SPATS2: variants seen among roughly 807,000 people sequenced by gnomAD.
SPATS2 encodes the protein spermatogenesis associated serine rich 2.
A neutral mutation model predicts 63.7 loss-of-function variants in SPATS2; 38 were observed. The ratio of observed to expected loss-of-function variants is 0.60; its 90% CI spans 0.46 to 0.78. The LOEUF is 0.78. Among genes scored for constraint, SPATS2 ranks in the 30% least tolerant of loss-of-function variants. The pLI is 0.00. For synonymous variants in SPATS2, 207 were observed against 232.9 expected (o/e 0.89, Z 1.01); for missense variants, 588 against 666.2 (o/e 0.88, Z 1.29).
chr12:49,386,637 G>T (rs1250109199), intron 2 of SPATS2, among the ~76,000 whole-genome samples: 1 of 152,224 alleles, frequency 6.6e-6, no homozygotes, highest in Non-Finnish European at 1.5e-5. Context: ...GTATGCAAGG[G>T]AGTGGTATAA....
intron 7 of SPATS2, among the ~76,000 whole-genome samples, chr12:49,496,113 T>A (rs990052539): frequency 1.3e-5 from 2 of 152,228 alleles, no homozygotes; most frequent in African/African-American, 4.8e-5. Context: ...CTTTTATTGA[T>A]TAGTATACAC....
chr12:49,517,102 TG>T (rs1212347540), intron 10 of SPATS2, among the ~76,000 whole-genome samples: 4 of 152,254 alleles, frequency 2.6e-5, no homozygotes, highest in Non-Finnish European at 4.4e-5. Flanking sequence ...ACCTCATTTT[TG>T]CCATTTTGAG....
rs995939320 is a variant in SPATS2 at position 49,494,918 on chromosome 12, A to G, written c.442A>G (p.Ser148Gly). The G allele has an allele frequency of 6.2e-7, 1 of 1,614,050 alleles. No individual in the cohort carries two copies. The highest frequency in any genetic ancestry group is 8.5e-7 in the Non-Finnish European group (1 of 1,180,012). Residue 148 changes from serine to glycine, a missense_variant, in exon 7 of 14, where the codon AGT (serine) becomes GGT (glycine). Coordinates refer to ENST00000552918, the MANE Select transcript of SPATS2 (RefSeq NM_023071.4). The stretch of plus-strand genomic sequence containing the variant: ...TGACACTGAGTCTGTGGACTCACTC[A>G]GTGAAGGTTTGGAGACACTTTCAAT... ...INDTESVDSLSEGLETLSIDA... is the reference protein window; with the variant it reads ...INDTESVDSLGEGLETLSIDA...
intron 2 of SPATS2, among the ~76,000 whole-genome samples, chr12:49,436,976 A>G (rs968879561): frequency 4.9e-4 from 54 of 110,488 alleles, no homozygotes; most frequent in African/African-American, 1.8e-3. Flanking sequence ...CCCCACCTCC[A>G]TTCCGGACTG....
rs377257029 is a variant in SPATS2, at chr12:49,422,201, A to G, written c.-243-38569A>G. On this transcript the variant is annotated intron_variant, in intron 2 of 13. Coordinates refer to ENST00000552918, the MANE Select transcript of SPATS2 (RefSeq NM_023071.4). ...AGAAAGAAATATAATTTGTAGTTTC[A>G]TGGAGCTAGGTTTGAATCACCACCT... is the stretch of plus-strand genomic sequence containing the variant. Among the ~76,000 whole-genome samples, 4 of 152,142 alleles carry G rather than the reference A, an allele frequency of 2.6e-5. No homozygotes were observed. The South Asian group carries it at 6.2e-4, about 24-fold the overall frequency.
intron 2 of SPATS2, among the ~76,000 whole-genome samples, chr12:49,393,077 T>C (rs1214905897): frequency 1.3e-5 from 2 of 152,160 alleles, no homozygotes; most frequent in Non-Finnish European, 2.9e-5. Context: ...TAGAAACATC[T>C]GTGTACTCAC....
At chr12:49,420,526 G>A (rs1010691832) in intron 2 of SPATS2, among the ~76,000 whole-genome samples, 1 of 152,086 alleles carries the variant, frequency 6.6e-6, no homozygotes, top group Non-Finnish European at 1.5e-5. Flanking sequence ...CCTGGGAGGT[G>A]GAGGTTGCAG....
At chr12:49,451,709 G>C (rs542002615) in intron 2 of SPATS2, among the ~76,000 whole-genome samples, 1 of 152,240 alleles carries the variant, frequency 6.6e-6, no homozygotes, top group Admixed American at 6.5e-5. Context: ...GCTTTTCCTA[G>C]TGCTCTTTCT....
At chr12:49,387,083 A>G (rs937867629) in intron 2 of SPATS2, 2 of 152,092 alleles carry the variant, frequency 1.3e-5, no homozygotes, top group African/African-American at 4.8e-5. Flanking sequence ...ATTTGGAAAC[A>G]TCTGTGAGGA....
At chr12:49,424,044 A>C (rs1945029947) in intron 2 of SPATS2, among the ~76,000 whole-genome samples, 1 of 152,146 alleles carries the variant, frequency 6.6e-6, no homozygotes, top group Non-Finnish European at 1.5e-5. Context: ...TTCTACTAAA[A>C]ATACAAAAAT....
At chr12:49,373,245 A>G (rs1353141575) in intron 2 of SPATS2, among the ~76,000 whole-genome samples, 1 of 152,092 alleles carries the variant, frequency 6.6e-6, no homozygotes, top group African/African-American at 2.4e-5. Context: ...AAGTGCTGGG[A>G]TTACATGCTT....
intron 2 of SPATS2, among the ~76,000 whole-genome samples, chr12:49,427,172 G>GGCTCAA (rs1945094849): frequency 6.6e-6 from 1 of 151,626 alleles, no homozygotes; most frequent in African/African-American, 2.4e-5. Flanking sequence ...CTCATTCCTG[G>GGCTCAA]GCTCAAGCAA....
At position 49,484,687 on chromosome 12, in the gene SPATS2, G is replaced by A; in HGVS notation, c.105+18G>A. On this transcript the variant is annotated intron_variant, in intron 4 of 13. Transcript: ENST00000552918. The stretch of plus-strand genomic sequence containing the variant: ...AAGAGAAGGTAAGACTAGTCACTAT[G>A]GATAGTAAACTTAAATGTCATAGGA... 2 of 1,611,324 alleles carry A rather than the reference G, an allele frequency of 1.2e-6. No homozygotes were observed. Among genetic ancestry groups the A allele is most frequent in the Non-Finnish European group, 1.7e-6 (2 of 1,177,836 alleles).
intron 1 of SPATS2, among the ~76,000 whole-genome samples, chr12:49,370,112 C>T (rs769051975): frequency 2.0e-5 from 3 of 152,284 alleles, no homozygotes; most frequent in Non-Finnish European, 2.9e-5. Flanking sequence ...GTATTCCAGG[C>T]GCTGAACTCA....
Position 49,409,591 on chromosome 12 carries a change from A to ATTTTTTTTTT in SPATS2, c.-244+38301_-244+38302insTTTTTTTTTT, listed in dbSNP as rs1565707922. On this transcript the variant is annotated intron_variant, in intron 2 of 13. Coordinates refer to ENST00000552918, the MANE Select transcript of SPATS2 (RefSeq NM_023071.4). ...ACAGGCGTGAGCCACTGTGCCCAGC[A>ATTTTTTTTTT]ATTTTTTTTTTTTTTTTTTTTTTTT... Among the ~76,000 whole-genome samples, 3 of 123,316 alleles carry ATTTTTTTTTT rather than the reference A, an allele frequency of 2.4e-5. 1 individual carries two copies. 80.9% of individuals were successfully genotyped at this position (123,316 alleles called of 152,430 possible). A position where few individuals can be genotyped will look rare whatever the true frequency, so the allele number is the denominator to read the frequency against.
At chr12:49,367,727 G>C (rs539606784) in intron 1 of SPATS2, 140 bp downstream of exon 1, 15 of 386,666 alleles carry the variant, frequency 3.9e-5, no homozygotes, top group African/African-American at 2.7e-4. Context: ...TGAGCCCTTA[G>C]AGGCCCGAAG....
chr12:49,504,995 C>T (rs1444757300), intron 9 of SPATS2, among the ~76,000 whole-genome samples: 1 of 151,698 alleles, frequency 6.6e-6, no homozygotes, highest in Non-Finnish European at 1.5e-5. Context: ...AACTCCTGGG[C>T]TCAAGCGGTC....
chr12:49,519,278 C>T, intron 11 of SPATS2, 96 bp downstream of exon 11: 1 of 931,046 alleles, frequency 1.1e-6, no homozygotes, highest in Non-Finnish European at 1.6e-6. Context: ...ATATTAAACT[C>T]ATGATCTTCC....
At position 49,461,246 on chromosome 12, in the gene SPATS2, A is replaced by AC. The variant is rs1945817052; in HGVS notation, c.25+209_25+210insC. 3 of 572,594 alleles carry AC rather than the reference A, an allele frequency of 5.2e-6. No individual in the cohort carries two copies. The African/African-American group carries it at 5.7e-5, about 11-fold the overall frequency. 35.5% of individuals were successfully genotyped at this position (572,594 alleles called of 1,614,324 possible). A position where few individuals can be genotyped will look rare whatever the true frequency, so the allele number is the denominator to read the frequency against. ...ACTCACACAAACTTAGCAAATTGTA[A>AC]TATGCTTAACAATCTTGAAGATGCA... On this transcript the variant is annotated intron_variant, in intron 3 of 13. Transcript: ENST00000552918.
Sources: allele counts gnomAD v4.1 joint callset (sites outside exome capture counted in the v4.1 genomes callset), GRCh38; gene constraint gnomAD v4.1.1; transcripts MANE v1.5; gene names NCBI Gene and HGNC (gene_info 2026-07-23, HGNC 2026-07-21).